The following STK32A variants were observed in gnomAD, a reference collection of about 807,000 sequenced individuals.
STK32A encodes serine/threonine kinase 32A, also known as serine/threonine-protein kinase 32A.
STK32A carries 41 observed loss-of-function variants against 53.2 expected under a neutral mutation model. The observed-to-expected ratio is 0.77, with a 90% confidence interval of 0.60 to 1.00. The LOEUF (loss-of-function observed/expected upper bound fraction) is 1.00, where lower values mean the gene tolerates loss of function less well. Among genes scored for constraint, STK32A ranks in the 50% least tolerant of loss-of-function variants. The pLI is 0.00. For synonymous variants in STK32A, 166 were observed against 162.8 expected, an observed-to-expected ratio of 1.02 and a Z score of -0.15; for missense variants, 458 against 485.8, an observed-to-expected ratio of 0.94 and a Z score of 0.54.
At chr5:147,250,800 G>C (rs954126647) in intron 2 of STK32A, among the ~76,000 whole-genome samples, 6 of 151,834 alleles carry the variant, frequency 4.0e-5, no homozygotes, top group African/African-American at 1.2e-4. Flanking sequence ...AAATTAGCCG[G>C]GCCTGGTGGC....
At chr5:147,291,307 T>C (rs2151961046) in intron 4 of STK32A, among the ~76,000 whole-genome samples, 1 of 152,230 alleles carries the variant, frequency 6.6e-6, no homozygotes, top group South Asian at 2.1e-4. Context: ...GATGGTCCTG[T>C]CCCACATTTG....
At chr5:147,317,811 A>G (rs1286516434) in intron 4 of STK32A, among the ~76,000 whole-genome samples, 2 of 152,196 alleles carry the variant, frequency 1.3e-5, no homozygotes, top group Non-Finnish European at 2.9e-5. Flanking sequence ...TTACAAAACA[A>G]TCAGAAAAAA....
intron 5 of STK32A, among the ~76,000 whole-genome samples, chr5:147,341,190 G>A (rs1487911985): frequency 1.3e-5 from 2 of 152,134 alleles, no homozygotes; most frequent in African/African-American, 4.8e-5. Flanking sequence ...GCTCCTCTGG[G>A]CCTCTTTTTC....
intron 6 of STK32A, among the ~76,000 whole-genome samples, chr5:147,344,850 C>A (rs1755606658): frequency 6.6e-6 from 1 of 152,182 alleles, no homozygotes; most frequent in Non-Finnish European, 1.5e-5. Context: ...TCCTATCAAT[C>A]CAACACTTTC....
At chr5:147,362,965 G>A (rs1273885641) in intron 8 of STK32A, among the ~76,000 whole-genome samples, 1 of 151,644 alleles carries the variant, frequency 6.6e-6, no homozygotes, top group African/African-American at 2.4e-5. Flanking sequence ...GCAAGCCAGT[G>A]GTCCCAACTA....
At chr5:147,370,598 T>A in intron 8 of STK32A, 56 bp from the exon 9 acceptor site, 1 of 1,140,364 alleles carries the variant, frequency 8.8e-7, no homozygotes, top group African/African-American at 1.6e-5. Flanking sequence ...ATTTGGAAAT[T>A]TTTTTTTTCT....
At chr5:147,275,260 C>T (rs1755202569) in intron 2 of STK32A, among the ~76,000 whole-genome samples, 1 of 151,824 alleles carries the variant, frequency 6.6e-6, no homozygotes, top group African/African-American at 2.4e-5. Context: ...AGTCTTCCTG[C>T]TAACTAGTGA....
intron 5 of STK32A, among the ~76,000 whole-genome samples, chr5:147,333,839 A>G (rs1754990098): frequency 6.6e-6 from 1 of 152,192 alleles, no homozygotes; most frequent in African/African-American, 2.4e-5. Flanking sequence ...CTTACTAAAA[A>G]GCAGAGTGTG....
chr5:147,397,284 G>A, the STK32A span, among the ~76,000 whole-genome samples: 2 of 151,856 alleles, frequency 1.3e-5, no homozygotes, highest in Non-Finnish European at 2.9e-5. Flanking sequence ...GTTTGCCCCT[G>A]TGGAGCAGCA....
In STK32A at chr5:147,384,140, T is replaced by G; in HGVS notation, c.*157T>G. 8 of 1,468,404 alleles carry G rather than the reference T, an allele frequency of 5.4e-6. No homozygotes were observed. Among genetic ancestry groups the G allele is most frequent in the Non-Finnish European group, 4.5e-6 (5 of 1,123,258 alleles). 91.0% of individuals were successfully genotyped at this position (1,468,404 alleles called of 1,614,324 possible). ...AAAGGCAGCACAACACAGTGAAGGGTCCTGGGCCTGAGCTCCTGGGATGTC... is the reference window on the plus strand; with the variant it reads ...AAAGGCAGCACAACACAGTGAAGGGGCCTGGGCCTGAGCTCCTGGGATGTC... On this transcript the variant is annotated 3_prime_UTR_variant, in exon 13 of 13. Coordinates refer to ENST00000397936, the MANE Select transcript of STK32A (RefSeq NM_001112724.2).
chr5:147,392,021 T>C (rs1037038250), downstream of STK32A: 3 of 152,210 alleles, frequency 2.0e-5, no homozygotes, highest in Non-Finnish European at 4.4e-5. Context: ...GAAGCGAGTT[T>C]ATGTGTGTCT....
At chr5:147,270,198 T>C (rs1266716840) in intron 2 of STK32A, among the ~76,000 whole-genome samples, 1 of 152,080 alleles carries the variant, frequency 6.6e-6, no homozygotes, top group Non-Finnish European at 1.5e-5. Flanking sequence ...CTACATAAAA[T>C]TTAAAACTAC....
intron 11 of STK32A, among the ~76,000 whole-genome samples, chr5:147,377,747 T>A (rs967511715): frequency 8.5e-5 from 13 of 152,274 alleles, no homozygotes; most frequent in African/African-American, 3.1e-4. Flanking sequence ...TTTAAGTTGT[T>A]TTTCTTTTCT....
chr5:147,388,892 A>G (rs989817540), downstream of STK32A, among the ~76,000 whole-genome samples: 11 of 152,160 alleles, frequency 7.2e-5, no homozygotes, highest in African/African-American at 2.7e-4. Context: ...CTTTAAACCC[A>G]CTCAAATCCT....
intron 2 of STK32A, among the ~76,000 whole-genome samples, chr5:147,249,085 AAG>A (rs1753871731): frequency 1.3e-5 from 2 of 152,328 alleles, no homozygotes; most frequent in African/African-American, 4.8e-5. Flanking sequence ...TCTATGGTGG[AAG>A]AGAAAAATTA....
At chr5:147,302,294 T>C (rs1293785633) in intron 4 of STK32A, among the ~76,000 whole-genome samples, 1 of 152,148 alleles carries the variant, frequency 6.6e-6, no homozygotes, top group South Asian at 2.1e-4. Flanking sequence ...CATAAAGTAA[T>C]CAAAAGGGTC....
intron 5 of STK32A, among the ~76,000 whole-genome samples, chr5:147,324,582 A>G (rs1400262182): frequency 6.6e-6 from 1 of 152,194 alleles, no homozygotes; most frequent in Non-Finnish European, 1.5e-5. Context: ...AAATAAAGAC[A>G]TACAAATAAC....
chr5:147,312,786 A>G (rs114755886), intron 4 of STK32A, among the ~76,000 whole-genome samples: 124 of 152,354 alleles, frequency 8.1e-4, no homozygotes, highest in African/African-American at 2.8e-3. Flanking sequence ...GCAATTCAAA[A>G]TGATATGCAC....
chr5:147,373,426 G>A lies in STK32A; in HGVS notation c.903+132G>A. On this transcript the variant is annotated intron_variant, in intron 10 of 12. Transcript: ENST00000397936. ...GAGCCCCAATTCCCATTTTACAGATGAGAGAATTGAGACATGCACAGGGTA... is the reference window on the plus strand; with the variant it reads ...GAGCCCCAATTCCCATTTTACAGATAAGAGAATTGAGACATGCACAGGGTA... 6 of 1,247,308 alleles carry A rather than the reference G, an allele frequency of 4.8e-6. 1 individual carries two copies. In the South Asian group the frequency reaches 8.2e-5, roughly 17 times the overall value. The allele number at this position is 1,247,308 out of a possible 1,614,324, so 77.3% of individuals were successfully genotyped here. A position where few individuals can be genotyped will look rare whatever the true frequency, so the allele number is the denominator to read the frequency against.
Sources: allele counts gnomAD v4.1 joint callset (sites outside exome capture counted in the v4.1 genomes callset), GRCh38; gene constraint gnomAD v4.1.1; transcripts MANE v1.5; gene names NCBI Gene and HGNC (gene_info 2026-07-23, HGNC 2026-07-21).